PNPLA7: variants seen among roughly 807,000 people sequenced by gnomAD.
The protein encoded by PNPLA7 is patatin like domain 7, lysophospholipase.
Under a neutral mutation model 161.7 loss-of-function variants are expected in PNPLA7, and 153 were observed. The observed-to-expected ratio is 0.95, with a 90% CI of 0.83 to 1.08. The LOEUF (loss-of-function observed/expected upper bound fraction) is 1.08, where lower values mean the gene tolerates loss of function less well. Ranked by LOEUF, PNPLA7 falls within the 50% of genes least tolerant of loss-of-function variation. PNPLA7 has a pLI of 0.00. For synonymous variants in PNPLA7, 809 were observed against 782.1 expected (o/e 1.03, Z -0.57); for missense variants, 1,739 against 1,856.6 (o/e 0.94, Z 1.16).
chr9:137,465,129 C>T (rs1026127638), intron 26 of PNPLA7, among the ~76,000 whole-genome samples: 18 of 152,164 alleles, frequency 1.2e-4, no homozygotes, highest in African/African-American at 4.1e-4. Flanking sequence ...GGGAGGGAAG[C>T]GCTTGGAGTG....
At chr9:137,528,382 G>A (rs1835405694) in intron 8 of PNPLA7, among the ~76,000 whole-genome samples, 1 of 152,162 alleles carries the variant, frequency 6.6e-6, no homozygotes, top group African/African-American at 2.4e-5. Flanking sequence ...GCCCAGGCTG[G>A]AGTGCCATGG....
At position 137,519,957 on chromosome 9, in the gene PNPLA7, C is replaced by A. The variant is rs1270030822; in HGVS notation, c.1044G>T (p.Arg348=). 5.6e-6 allele frequency: 9 copies of A among 1,612,826 alleles called. No homozygotes were observed. The highest frequency in any genetic ancestry group is 1.1e-5 in the South Asian group (1 of 91,082). Residue 348 remains arginine (R), a synonymous_variant, in exon 11 of 35, where the codon CGG becomes CGT. Transcript: ENST00000406427. ...CCTGGAGCCGCGGTGGCTTTTTAAG[C>A]CGCTCTTCTTCGCCATAGAACACCT... ...KKQVFYGEEE[R]LKKPPRLQES... is the part of the protein sequence containing the mutation.
intron 21 of PNPLA7, among the ~76,000 whole-genome samples, chr9:137,483,779 A>C (rs1832338429): frequency 6.6e-6 from 1 of 151,988 alleles, no homozygotes; most frequent in South Asian, 2.1e-4. Context: ...TAAGTATTCG[A>C]TGTTTATAGT....
chr9:137,472,806 T>C (rs1230855565), intron 25 of PNPLA7, among the ~76,000 whole-genome samples: 1 of 151,260 alleles, frequency 6.6e-6, no homozygotes, highest in Non-Finnish European at 1.5e-5. Context: ...AATACAAAAA[T>C]TAGCCGCGTG....
At chr9:137,472,774 G>A (rs1382030054) in intron 25 of PNPLA7, among the ~76,000 whole-genome samples, 1 of 151,848 alleles carries the variant, frequency 6.6e-6, no homozygotes, top group African/African-American at 2.4e-5. Context: ...GACCAACATG[G>A]TGAAACCCGG....
At chr9:137,462,462 C>A in intron 30 of PNPLA7, 131 bp from the exon 31 acceptor site, 3 of 1,450,530 alleles carry the variant, frequency 2.1e-6, no homozygotes, top group Non-Finnish European at 2.7e-6. Context: ...AGGGTAGCAG[C>A]ACCCGGCCGG....
chr9:137,537,262 C>T lies in PNPLA7; in HGVS notation c.747+3380G>A, dbSNP rs1284826245. On this transcript the variant is annotated intron_variant, in intron 8 of 34. Transcript: ENST00000406427. The surrounding 1 kb of genome is among the most constrained non-coding windows in gnomAD (Gnocchi z 4.5). ...AAAGTTTGATGAGGAAAAACGATGTCACGGCAGATGATCAACTGATCACAA... is the reference window on the plus strand; with the variant it reads ...AAAGTTTGATGAGGAAAAACGATGTTACGGCAGATGATCAACTGATCACAA... Among the ~76,000 whole-genome samples the T allele has an allele frequency of 6.6e-6, 1 of 152,102 alleles. No homozygotes were observed. Among genetic ancestry groups the T allele is most frequent in the Admixed American group, 6.6e-5 (1 of 15,266 alleles).
chr9:137,495,001 C>T, intron 19 of PNPLA7, 32 bp downstream of exon 19: 12 of 1,572,372 alleles, frequency 7.6e-6, no homozygotes, highest in South Asian at 1.1e-5. Flanking sequence ...ACACCCTCAT[C>T]CGCTCCGCAT....
chr9:137,534,628 C>T (rs1238519615), intron 8 of PNPLA7, among the ~76,000 whole-genome samples: 5 of 152,230 alleles, frequency 3.3e-5, no homozygotes, highest in African/African-American at 1.2e-4. Flanking sequence ...AAAGAGCCAG[C>T]GTCCTGCTCA....
intron 20 of PNPLA7, 96 bp from the exon 21 acceptor site, chr9:137,484,832 G>C: frequency 2.8e-6 from 4 of 1,406,930 alleles, no homozygotes; most frequent in Non-Finnish European, 3.8e-6. Context: ...CAGGAGCAAC[G>C]CAGCAGCACC....
chr9:137,518,962 A>C lies in PNPLA7; in HGVS notation c.1084+955T>G, dbSNP rs571438749. 5.5e-4 allele frequency among the ~76,000 whole-genome samples: 49 copies of C among 88,602 alleles called. 2 individuals are homozygous for C. Among genetic ancestry groups the C allele is most frequent in the African/African-American group, 2.3e-3 (46 of 20,216 alleles). 58.1% of individuals were successfully genotyped at this position (88,602 alleles called of 152,430 possible). A position where few individuals can be genotyped will look rare whatever the true frequency, so the allele number is the denominator to read the frequency against. On this transcript the variant is annotated intron_variant, in intron 11 of 34. Coordinates refer to ENST00000406427, the MANE Select transcript of PNPLA7 (RefSeq NM_001098537.3). ...CTGTCCACTCCATCCTCACTCACTC[A>C]CTCCACCCTATCCACTCCATCCCCC...
In PNPLA7 at chr9:137,499,144, G is replaced by A. The variant is rs1358582073; in HGVS notation, c.1758-899C>T. Among the ~76,000 whole-genome samples, 1 of 150,846 alleles carries A rather than the reference G, an allele frequency of 6.6e-6. No homozygotes were observed. Among genetic ancestry groups the A allele is most frequent in the South Asian group, 2.1e-4 (1 of 4,692 alleles). Reference sequence around the variant, plus strand: ...GACACACAGACACACACAGACACACGGAGACAGAGACACTCGCAGACACAC... The same window carrying A: ...GACACACAGACACACACAGACACACAGAGACAGAGACACTCGCAGACACAC... On this transcript the variant is annotated intron_variant, in intron 16 of 34. Coordinates refer to ENST00000406427, the MANE Select transcript of PNPLA7 (RefSeq NM_001098537.3). The surrounding 1 kb of genome is among the most constrained non-coding windows in gnomAD (Gnocchi z 5.5).
Position 137,462,230 on chromosome 9 carries a change from G to A in PNPLA7, c.3594C>T (p.Pro1198=). ...KSSDYCEYLR[P]PIDSYSTLDF... The stretch of plus-strand genomic sequence containing the variant: ...CCAGGGTGCTGTAGCTGTCGATGGG[G>A]GGGCGCAGGTACTCGCAGTAGTCAC... The change falls in exon 31 of 35, where the codon CCC becomes CCT. Residue 1198 remains proline (P), a synonymous_variant. Coordinates refer to ENST00000406427, the MANE Select transcript of PNPLA7 (RefSeq NM_001098537.3). The A allele has an allele frequency of 6.2e-7, 1 of 1,607,000 alleles. No individual in the cohort carries two copies. The highest frequency in any genetic ancestry group is 1.1e-5 in the South Asian group (1 of 90,414).
intron 16 of PNPLA7, among the ~76,000 whole-genome samples, chr9:137,498,916 A>C (rs1833220144): frequency 6.6e-6 from 1 of 152,196 alleles, no homozygotes; most frequent in Non-Finnish European, 1.5e-5. Flanking sequence ...CTCAGAAGGC[A>C]AAAGCAGGAG....
At chr9:137,549,427 G>T (rs145693049) in intron 1 of PNPLA7, among the ~76,000 whole-genome samples, 2 of 152,140 alleles carry the variant, frequency 1.3e-5, no homozygotes, top group Admixed American at 6.6e-5. Context: ...AATATTAGCC[G>T]GGCGTGGTGG....
intron 8 of PNPLA7, among the ~76,000 whole-genome samples, chr9:137,530,419 CCTT>C (rs1252580941): frequency 1.3e-5 from 2 of 152,240 alleles, no homozygotes; most frequent in Non-Finnish European, 2.9e-5. Flanking sequence ...CCTTGGGGGC[CCTT>C]CTTCTGGTGC....
At chr9:137,498,360 G>A (rs952222424) in intron 16 of PNPLA7, 115 bp from the exon 17 acceptor site, 55 of 1,461,386 alleles carry the variant, frequency 3.8e-5, no homozygotes, top group Middle Eastern at 3.6e-4. Flanking sequence ...CCGGAAAGTA[G>A]AGAGACCACT....
At chr9:137,473,353 A>G (rs1025076463) in intron 25 of PNPLA7, among the ~76,000 whole-genome samples, 1 of 152,216 alleles carries the variant, frequency 6.6e-6, no homozygotes, top group Non-Finnish European at 1.5e-5. Flanking sequence ...ACTTAAGCAT[A>G]CAGGATAGAA....
At chr9:137,514,412 G>A (rs1187571015) in intron 12 of PNPLA7, among the ~76,000 whole-genome samples, 51 of 137,034 alleles carry the variant, frequency 3.7e-4, no homozygotes, top group Non-Finnish European at 6.9e-4. Flanking sequence ...CGGGTCACTC[G>A]GATGTTGATG....
Sources: gnomAD v4.1 joint callset for allele counts (sites outside exome capture counted in the v4.1 genomes callset) on GRCh38, gnomAD v4.1.1 for gene constraint, Gnocchi (gnomAD v3.1) non-coding constraint, MANE v1.5 for transcripts, NCBI Gene and HGNC (gene_info 2026-07-23, HGNC 2026-07-21) for gene names.